The following YIPF4 variants were observed in gnomAD, a reference collection of about 807,000 sequenced individuals.
YIPF4 encodes the protein protein YIPF4.
In YIPF4, 18 loss-of-function variants were observed where a neutral mutation model predicts 29.4. That is an observed-to-expected ratio of 0.61 (90% CI 0.42 to 0.91). The LOEUF (loss-of-function observed/expected upper bound fraction) is 0.91. Ranked by LOEUF, YIPF4 falls within the 40% of genes least tolerant of loss-of-function variation. The pLI, the probability that YIPF4 is intolerant of heterozygous loss-of-function variation, is 0.00. For missense variants in YIPF4, 279 were observed against 282.7 expected (o/e 0.99, Z 0.09); for synonymous variants, 115 against 104.7 (o/e 1.10, Z -0.60).
chr2:32,290,344 AATTTGAAGATTAT>A (rs1319583947), intron 1 of YIPF4, 126 bp from the exon 2 acceptor site: 4 of 499,360 alleles, frequency 8.0e-6, no homozygotes, highest in Non-Finnish European at 9.5e-6. Context: ...TCAACTATAA[AATTTGAAGATTAT>A]ATGCAATAGC....
At chr2:32,292,372 A>G (rs748698201) in intron 3 of YIPF4, 24 bp downstream of exon 3, 21 of 1,440,088 alleles carry the variant, frequency 1.5e-5, no homozygotes, top group Admixed American at 9.9e-5. Context: ...ATTTTATACA[A>G]ATTCTAAATA....
intron 1 of YIPF4, among the ~76,000 whole-genome samples, chr2:32,281,753 G>T (rs2030424867): frequency 6.6e-6 from 1 of 151,958 alleles, no homozygotes; most frequent in African/African-American, 2.4e-5. Flanking sequence ...GCCGGGCATG[G>T]TGGCACGCAC....
intron 1 of YIPF4, among the ~76,000 whole-genome samples, chr2:32,284,582 T>A (rs2030573742): frequency 6.6e-6 from 1 of 152,200 alleles, no homozygotes; most frequent in Non-Finnish European, 1.5e-5. Context: ...CTGCCGTGAT[T>A]GTAAGTTTCC....
chr2:32,281,047 T>C (rs911610297), intron 1 of YIPF4, among the ~76,000 whole-genome samples: 2 of 152,168 alleles, frequency 1.3e-5, no homozygotes, highest in Non-Finnish European at 2.9e-5. Flanking sequence ...AGATAACCCA[T>C]TGATTCCACA....
At chr2:32,280,735 TCTTGGCCTCCCAAATTG>T (rs2030370592) in intron 1 of YIPF4, among the ~76,000 whole-genome samples, 1 of 152,008 alleles carries the variant, frequency 6.6e-6, no homozygotes, top group Non-Finnish European at 1.5e-5. Flanking sequence ...TGTCTCAGAT[TCTTGGCCTCCCAAATTG>T]CTGGGATTAC....
intron 3 of YIPF4, among the ~76,000 whole-genome samples, chr2:32,294,270 C>A (rs1053305941): frequency 6.6e-6 from 1 of 150,548 alleles, no homozygotes; most frequent in African/African-American, 2.4e-5. Context: ...ACTTCTCAGA[C>A]GGGGCGGCTG....
intron 3 of YIPF4, among the ~76,000 whole-genome samples, chr2:32,293,269 G>A (rs1187784481): frequency 2.6e-5 from 4 of 152,018 alleles, no homozygotes; most frequent in East Asian, 1.9e-4. Flanking sequence ...CTGGGTACTT[G>A]AGATTAGGGA....
At chr2:32,281,180 C>G (rs906633937) in intron 1 of YIPF4, among the ~76,000 whole-genome samples, 2 of 151,776 alleles carry the variant, frequency 1.3e-5, no homozygotes, top group African/African-American at 4.8e-5. Flanking sequence ...TATCCTCACA[C>G]AATATTATAT....
In YIPF4 at chr2:32,308,777, C is replaced by G. The variant is rs1215862078; in HGVS notation, c.*3151C>G. 2 of 152,576 alleles carry G rather than the reference C, an allele frequency of 1.3e-5. No individual in the cohort carries two copies. Among genetic ancestry groups the G allele is most frequent in the East Asian group, 3.9e-4 (2 of 5,146 alleles). 9.5% of individuals were successfully genotyped at this position (152,576 alleles called of 1,614,324 possible). A position where few individuals can be genotyped will look rare whatever the true frequency, so the allele number is the denominator to read the frequency against. On this transcript the variant is annotated 3_prime_UTR_variant, in exon 6 of 6. Transcript: ENST00000238831. ...AACAGAACTGGGCCGGGCGCGGTGGCTCACGCCTGTAATCCCAGCACTTTG... is the reference window on the plus strand; with the variant it reads ...AACAGAACTGGGCCGGGCGCGGTGGGTCACGCCTGTAATCCCAGCACTTTG...
intron 3 of YIPF4, among the ~76,000 whole-genome samples, chr2:32,292,821 G>A (rs1303856333): frequency 2.1e-5 from 3 of 140,248 alleles, no homozygotes; most frequent in Non-Finnish European, 3.0e-5. Flanking sequence ...CCAAGATCAC[G>A]CCACTGCACT....
At chr2:32,293,027 CTTTTT>C (rs201766729) in intron 3 of YIPF4, among the ~76,000 whole-genome samples, 1 of 149,518 alleles carries the variant, frequency 6.7e-6, no homozygotes, top group Non-Finnish European at 1.5e-5. Flanking sequence ...TATTTCTTAC[CTTTTT>C]TTTGATTATT....
intron 1 of YIPF4, among the ~76,000 whole-genome samples, chr2:32,286,636 C>T (rs1433950907): frequency 1.3e-5 from 2 of 152,004 alleles, no homozygotes; most frequent in Non-Finnish European, 2.9e-5. Flanking sequence ...ACCTCCACCT[C>T]CCGGGCTCAA....
At chr2:32,286,422 G>A (rs1027382346) in intron 1 of YIPF4, among the ~76,000 whole-genome samples, 22 of 152,110 alleles carry the variant, frequency 1.4e-4, no homozygotes, top group African/African-American at 4.6e-4. Flanking sequence ...ATAAATTACA[G>A]AATTTAATTA....
chr2:32,294,283 G>A (rs546532969), intron 3 of YIPF4, among the ~76,000 whole-genome samples: 112 of 150,854 alleles, frequency 7.4e-4, no homozygotes, highest in African/African-American at 2.5e-3. Flanking sequence ...GGCGGCTGCC[G>A]GGTGGAGGGG....
intron 3 of YIPF4, among the ~76,000 whole-genome samples, chr2:32,293,941 G>T (rs1295241332): frequency 6.8e-6 from 1 of 146,028 alleles, no homozygotes; most frequent in Non-Finnish European, 1.5e-5. Context: ...CGGGCGGGGG[G>T]CTGACCCCCC....
Position 32,309,373 on chromosome 2 carries a change from A to T in YIPF4, c.*3747A>T, listed in dbSNP as rs1355463353. The T allele has an allele frequency of 2.0e-5, 3 of 152,214 alleles. No individual in the cohort carries two copies. Among genetic ancestry groups the T allele is most frequent in the African/African-American group, 7.2e-5 (3 of 41,456 alleles). 9.4% of individuals were successfully genotyped at this position (152,214 alleles called of 1,614,324 possible). ...TCTGCACATATTCCAAAATCTGAAA[A>T]AGTCTGAAACCTGAGAAACTCTGGT... On this transcript the variant is annotated 3_prime_UTR_variant, in exon 6 of 6. Coordinates refer to ENST00000238831, the MANE Select transcript of YIPF4 (RefSeq NM_032312.4).
At chr2:32,288,689 A>G (rs886847841) in intron 1 of YIPF4, among the ~76,000 whole-genome samples, 6 of 152,218 alleles carry the variant, frequency 3.9e-5, no homozygotes, top group Non-Finnish European at 8.8e-5. Context: ...ACACGCCAGT[A>G]ATCTCAGCTA....
At chr2:32,294,574 C>G (rs1419699149) in intron 3 of YIPF4, among the ~76,000 whole-genome samples, 1 of 151,394 alleles carries the variant, frequency 6.6e-6, no homozygotes, top group Non-Finnish European at 1.5e-5. Context: ...ACGCTCCTCA[C>G]TTTCCAGACT....
At chr2:32,303,482 G>A (rs985517413) in intron 5 of YIPF4, among the ~76,000 whole-genome samples, 1 of 152,176 alleles carries the variant, frequency 6.6e-6, no homozygotes, top group African/African-American at 2.4e-5. Flanking sequence ...GCCGAGGCAG[G>A]TGGATCAGTT....
Sources: gnomAD v4.1 joint callset for allele counts (sites outside exome capture counted in the v4.1 genomes callset) on GRCh38, gnomAD v4.1.1 for gene constraint, MANE v1.5 for transcripts, NCBI Gene and HGNC (gene_info 2026-07-23, HGNC 2026-07-21) for gene names.